The following LOXL2 variants were observed in gnomAD, a reference collection of about 807,000 sequenced individuals.
LOXL2 encodes lysyl oxidase like 2.
LOXL2 carries 70 observed loss-of-function variants against 93.0 expected under a neutral mutation model. The observed-to-expected ratio is 0.75, with a 90% CI of 0.62 to 0.92. The LOEUF (loss-of-function observed/expected upper bound fraction) is 0.92. LOXL2 is among the 40% of genes least tolerant of loss of function. The pLI is 0.00. For synonymous variants in LOXL2, 438 were observed against 413.2 expected (o/e 1.06, Z -0.73); for missense variants, 973 against 1,054.9 (o/e 0.92, Z 1.08).
chr8:23,404,110 G>A lies in LOXL2; in HGVS notation c.-240C>T, dbSNP rs1249618615. 1.0e-5 allele frequency: 2 copies of A among 195,580 alleles called. No homozygotes were observed. Among genetic ancestry groups the A allele is most frequent in the East Asian group, 1.9e-4 (1 of 5,404 alleles). The allele number at this position is 195,580 out of a possible 1,614,324, so 12.1% of individuals were successfully genotyped here. A position where few individuals can be genotyped will look rare whatever the true frequency, so the allele number is the denominator to read the frequency against. Reference sequence around the variant, plus strand: ...AAGCACCAAGCGTAGGTAGCCGCGCGCTGGAGTCGCGCGTTTACTCTTTTC... The same window carrying A: ...AAGCACCAAGCGTAGGTAGCCGCGCACTGGAGTCGCGCGTTTACTCTTTTC... On this transcript the variant is annotated 5_prime_UTR_variant, in exon 1 of 14. Transcript: ENST00000389131.
At chr8:23,346,445 C>A (rs1309725568) in intron 3 of LOXL2, among the ~76,000 whole-genome samples, 1 of 152,118 alleles carries the variant, frequency 6.6e-6, no homozygotes, top group African/African-American at 2.4e-5. Flanking sequence ...TGCACCCGTT[C>A]CTAGAAGGGA....
intron 1 of LOXL2, among the ~76,000 whole-genome samples, chr8:23,400,995 G>A (rs889617770): frequency 6.6e-6 from 1 of 152,178 alleles, no homozygotes; most frequent in Non-Finnish European, 1.5e-5. Context: ...ATAAGCCCAG[G>A]ATGAAGCCTG....
At chr8:23,367,262 TG>T (rs1804417693) in intron 2 of LOXL2, among the ~76,000 whole-genome samples, 1 of 152,192 alleles carries the variant, frequency 6.6e-6, no homozygotes, top group Non-Finnish European at 1.5e-5. Flanking sequence ...TTGGCCAGGC[TG>T]GTCTCGAACT....
At chr8:23,321,778 G>A in intron 7 of LOXL2, 1 of 221,968 alleles carries the variant, frequency 4.5e-6, no homozygotes, top group Non-Finnish European at 9.0e-6. Context: ...AACGCCTCCA[G>A]CCAGCAGAGC....
At chr8:23,316,285 C>G (rs1803400623) in intron 9 of LOXL2, among the ~76,000 whole-genome samples, 1 of 152,188 alleles carries the variant, frequency 6.6e-6, no homozygotes, top group Non-Finnish European at 1.5e-5. Context: ...GCCAATAAGG[C>G]AGGGTCTGGT....
rs76258753 is a variant in LOXL2 at position 23,383,054 on chromosome 8, G to A, written c.-83-14620C>T. On this transcript the variant is annotated intron_variant, in intron 1 of 13. Coordinates refer to ENST00000389131, the MANE Select transcript of LOXL2 (RefSeq NM_002318.3). ...CCTCTGGTACCTAACATGCCTCTCC[G>A]TAGCGGTTTTAAACAAACTCGACCC... 5.2e-3 allele frequency among the ~76,000 whole-genome samples: 791 copies of A among 152,162 alleles called. 6 individuals are homozygous for A. The highest frequency in any genetic ancestry group is 0.018 in the African/African-American group (729 of 41,502).
At chr8:23,355,834 C>A (rs1195429571) in intron 3 of LOXL2, among the ~76,000 whole-genome samples, 2 of 151,900 alleles carry the variant, frequency 1.3e-5, no homozygotes, top group Non-Finnish European at 2.9e-5. Flanking sequence ...GTCTCAAACT[C>A]CTGGGCTCAA....
chr8:23,375,796 G>A (rs1171258296), intron 1 of LOXL2, among the ~76,000 whole-genome samples: 1 of 152,174 alleles, frequency 6.6e-6, no homozygotes, highest in Non-Finnish European at 1.5e-5. Flanking sequence ...TTTGTATCCT[G>A]AGACTTTGCT....
intron 9 of LOXL2, among the ~76,000 whole-genome samples, chr8:23,314,851 A>G (rs1204081888): frequency 6.8e-6 from 1 of 146,494 alleles, no homozygotes; most frequent in Non-Finnish European, 1.5e-5. Flanking sequence ...AAAAATAAAA[A>G]TAAAAAAGGA....
intron 1 of LOXL2, among the ~76,000 whole-genome samples, chr8:23,379,889 G>C (rs1177951429): frequency 6.6e-6 from 1 of 152,068 alleles, no homozygotes; most frequent in Non-Finnish European, 1.5e-5. Context: ...GCGCTTCCTG[G>C]GTGAGGGGAT....
chr8:23,369,113 G>T (rs1804459238), intron 1 of LOXL2, among the ~76,000 whole-genome samples: 1 of 152,170 alleles, frequency 6.6e-6, no homozygotes, highest in Non-Finnish European at 1.5e-5. Context: ...GTGAGGGCAG[G>T]ATGTTCAACA....
rs141482265 is a variant in LOXL2 at position 23,297,532 on chromosome 8, A to G, written c.*511T>C. 4.8e-3 allele frequency: 736 copies of G among 153,066 alleles called. 5 individuals are homozygous for G. Among genetic ancestry groups the G allele is most frequent in the Non-Finnish European group, 7.6e-3 (523 of 68,540 alleles). The allele number at this position is 153,066 out of a possible 1,614,324, so 9.5% of individuals were successfully genotyped here. A position where few individuals can be genotyped will look rare whatever the true frequency, so the allele number is the denominator to read the frequency against. On this transcript the variant is annotated 3_prime_UTR_variant, in exon 14 of 14. Coordinates refer to ENST00000389131, the MANE Select transcript of LOXL2 (RefSeq NM_002318.3). The stretch of plus-strand genomic sequence containing the variant: ...CAGAAAACACGTGGCACCATTATCT[A>G]TGTGACTATAATAGACTGGAGGGTT...
chr8:23,386,058 C>G lies in LOXL2; in HGVS notation c.-83-17624G>C, dbSNP rs376843825. ...CATCCCTATTTTCCTAAGGAAAAAC[C>G]GAGAGACAGAAAGGCTACATGATTT... On this transcript the variant is annotated intron_variant, in intron 1 of 13. Coordinates refer to ENST00000389131, the MANE Select transcript of LOXL2 (RefSeq NM_002318.3). 4 of 764,950 alleles carry G rather than the reference C, an allele frequency of 5.2e-6. No homozygotes were observed. In the East Asian group the frequency reaches 7.3e-5, roughly 14 times the overall value. 47.4% of individuals were successfully genotyped at this position (764,950 alleles called of 1,614,324 possible).
rs147649485 is a variant in LOXL2, at chr8:23,368,278, G to T, written c.74C>A (p.Ala25Glu). Reference sequence around the variant, plus strand: ...GTAATGGGGCCAGCTGTCATACTGTGCCAGGCTCAGGGGGGACAGGAGGGC... The same window carrying T: ...GTAATGGGGCCAGCTGTCATACTGTTCCAGGCTCAGGGGGGACAGGAGGGC... ...MLALLSPLSL[A>E]QYDSWPHYPE... is the part of the protein sequence containing the mutation. The change falls in exon 2 of 14, where the codon GCA becomes GAA. Residue 25 changes from alanine to glutamate, a missense_variant. Ala to Glu is a moderately radical substitution (Grantham distance 107). Transcript: ENST00000389131. 2.6e-4 allele frequency: 415 copies of T among 1,613,770 alleles called. 4 individuals are homozygous for T. The African/African-American group carries it at 4.7e-3, about 18-fold the overall frequency.
Position 23,344,119 on chromosome 8 carries a change from A to C in LOXL2, c.532-2916T>G, listed in dbSNP as rs185894645. ...GGAGGAGCTCAGCAGACCCCGCTGG[A>C]AAGAGCTACGCGGGCCTGAGGCCAG... On this transcript the variant is annotated intron_variant, in intron 3 of 13. Transcript: ENST00000389131. 1.7e-3 allele frequency among the ~76,000 whole-genome samples: 259 copies of C among 152,284 alleles called. 1 individual carries two copies. Among genetic ancestry groups the C allele is most frequent in the African/African-American group, 6.0e-3 (250 of 41,558 alleles).
chr8:23,387,442 A>T (rs1392804094), intron 1 of LOXL2, among the ~76,000 whole-genome samples: 1 of 152,154 alleles, frequency 6.6e-6, no homozygotes. Flanking sequence ...GCAGGGGCCC[A>T]CTCAGACAGC....
intron 10 of LOXL2, among the ~76,000 whole-genome samples, chr8:23,305,819 G>T (rs1563184707): frequency 6.7e-6 from 1 of 148,548 alleles, no homozygotes; most frequent in Non-Finnish European, 1.5e-5. Context: ...TTTTGTTTTT[G>T]TTTTTTTTTT....
At chr8:23,305,824 T>TG (rs1803221636) in intron 10 of LOXL2, among the ~76,000 whole-genome samples, 1 of 151,974 alleles carries the variant, frequency 6.6e-6, no homozygotes, top group African/African-American at 2.4e-5. Context: ...TTTTTGTTTT[T>TG]TTTTTGAGAT....
At chr8:23,334,440 A>C (rs1426361700) in intron 4 of LOXL2, among the ~76,000 whole-genome samples, 1 of 152,232 alleles carries the variant, frequency 6.6e-6, no homozygotes, top group Non-Finnish European at 1.5e-5. Context: ...ATTTCCAATG[A>C]GAAACAATGA....
Sources: allele counts gnomAD v4.1 joint callset (sites outside exome capture counted in the v4.1 genomes callset), GRCh38; gene constraint gnomAD v4.1.1; transcripts MANE v1.5; gene names NCBI Gene and HGNC (gene_info 2026-07-23, HGNC 2026-07-21).